BDNF: variants seen among roughly 807,000 people sequenced by gnomAD.
The protein encoded by BDNF is neurotrophic factor BDNF precursor form.
In BDNF, 1 loss-of-function variant was observed where a neutral mutation model predicts 19.5. The ratio of observed to expected loss-of-function variants is 0.05; its 90% CI spans 0.02 to 0.24. The LOEUF (loss-of-function observed/expected upper bound fraction) is 0.24, where lower values mean the gene tolerates loss of function less well. BDNF is among the 10% of genes least tolerant of loss of function. The pLI is 1.00. For synonymous variants in BDNF, 100 were observed against 121.6 expected (o/e 0.82, Z 1.17); for missense variants, 195 against 317.6 (o/e 0.61, Z 2.93).
upstream of BDNF, among the ~76,000 whole-genome samples, chr11:27,702,664 T>C (rs1406926698): frequency 1.3e-5 from 2 of 152,216 alleles, no homozygotes; most frequent in Non-Finnish European, 2.9e-5. Context: ...ATAATATTAT[T>C]ACATACTCAG....
In BDNF at chr11:27,674,220, G is replaced by A. The variant is rs1206959185; in HGVS notation, c.-21-15635C>T. 3 of 1,599,150 alleles carry A rather than the reference G, an allele frequency of 1.9e-6. No individual in the cohort carries two copies. The highest frequency in any genetic ancestry group is 2.6e-6 in the Non-Finnish European group (3 of 1,172,048). On this transcript the variant is annotated intron_variant, in intron 1 of 1. Transcript: ENST00000356660. ...CTGCAACCCTTTCTGTAGAAACTCAGCATTCTGAGTAGTAACAAGGATTAA... is the reference window on the plus strand; with the variant it reads ...CTGCAACCCTTTCTGTAGAAACTCAACATTCTGAGTAGTAACAAGGATTAA...
intron 1 of BDNF, among the ~76,000 whole-genome samples, chr11:27,710,605 T>C (rs1227329473): frequency 6.6e-6 from 1 of 152,198 alleles, no homozygotes; most frequent in Non-Finnish European, 1.5e-5. Flanking sequence ...CTATAAGCCT[T>C]GTAATTACGT....
intron 1 of BDNF, among the ~76,000 whole-genome samples, chr11:27,666,658 A>G (rs377565641): frequency 3.3e-5 from 5 of 152,364 alleles, no homozygotes; most frequent in African/African-American, 1.2e-4. Flanking sequence ...GATTCAATCA[A>G]GTGGAAGAAA....
chr11:27,674,036 G>T lies in BDNF; in HGVS notation c.-21-15451C>A. On this transcript the variant is annotated intron_variant, in intron 1 of 1. Coordinates refer to ENST00000356660, the MANE Select transcript of BDNF (RefSeq NM_001709.5). ...GGGAAAGATAAAATTAGCAAGAGAA[G>T]GCTATTAGCTCTCTGTTACTCACCT... 2.6e-6 allele frequency: 4 copies of T among 1,544,922 alleles called. No homozygotes were observed. The South Asian group carries it at 5.0e-5, about 19-fold the overall frequency.
At chr11:27,694,337 T>A (rs1010405514) in intron 1 of BDNF, among the ~76,000 whole-genome samples, 1 of 152,306 alleles carries the variant, frequency 6.6e-6, no homozygotes, top group Admixed American at 6.5e-5. Flanking sequence ...TTATTAAACC[T>A]TTTCCTCCAA....
upstream of BDNF, among the ~76,000 whole-genome samples, chr11:27,701,986 C>G (rs1252992638): frequency 6.6e-6 from 1 of 151,460 alleles, no homozygotes; most frequent in Admixed American, 6.6e-5. Context: ...CCACCACTGC[C>G]CGCAGCAAAA....
intron 1 of BDNF, among the ~76,000 whole-genome samples, chr11:27,671,865 C>CT (rs1282905462): frequency 6.6e-6 from 1 of 151,922 alleles, no homozygotes; most frequent in Non-Finnish European, 1.5e-5. Context: ...AGTGCAATAA[C>CT]TTTTTTACTT....
At chr11:27,714,130 A>G (rs1860433612) in intron 1 of BDNF, among the ~76,000 whole-genome samples, 1 of 152,176 alleles carries the variant, frequency 6.6e-6, no homozygotes, top group Non-Finnish European at 1.5e-5. Flanking sequence ...TTTTTGAACT[A>G]CTGCAGCAAT....
upstream of BDNF, chr11:27,700,461 G>T: frequency 4.1e-6 from 4 of 983,334 alleles, no homozygotes; most frequent in Non-Finnish European, 4.8e-6. Flanking sequence ...GCTGCGCCTT[G>T]CGCCCGGGTC....
upstream of BDNF, among the ~76,000 whole-genome samples, chr11:27,704,955 CA>C (rs1391069659): frequency 6.6e-6 from 1 of 152,152 alleles, no homozygotes; most frequent in Non-Finnish European, 1.5e-5. Flanking sequence ...AAAGGAACCA[CA>C]GCAAGAAACT....
In BDNF at chr11:27,656,090, A is replaced by G. The variant is rs927052912; in HGVS notation, c.*1731T>C. On this transcript the variant is annotated 3_prime_UTR_variant, in exon 2 of 2. Transcript: ENST00000356660. ...CCTTCCCGAAGTCTTGTCTCTGGACAAGATTTCCTATGGGTCCCCTTGATC... is the reference window on the plus strand; with the variant it reads ...CCTTCCCGAAGTCTTGTCTCTGGACGAGATTTCCTATGGGTCCCCTTGATC... 6.6e-6 allele frequency: 1 copy of G among 152,204 alleles called. No homozygotes were observed. The highest frequency in any genetic ancestry group is 1.5e-5 in the Non-Finnish European group (1 of 68,072). The allele number at this position is 152,204 out of a possible 1,614,324, so 9.4% of individuals were successfully genotyped here. A position where few individuals can be genotyped will look rare whatever the true frequency, so the allele number is the denominator to read the frequency against.
chr11:27,720,769 T>C (rs1051771585), intron 1 of BDNF: 1 of 986,378 alleles, frequency 1.0e-6, no homozygotes, highest in African/African-American at 1.7e-5. Flanking sequence ...AATTAAGTGA[T>C]ACTTGATATT....
At chr11:27,703,670 C>A, upstream of BDNF, among the ~76,000 whole-genome samples, 1 of 152,282 alleles carries the variant, frequency 6.6e-6, no homozygotes, top group South Asian at 2.1e-4. Context: ...TGTGTATCTT[C>A]GCTTTCCAGT....
At position 27,657,247 on chromosome 11, in the gene BDNF, CG is replaced by C. The variant is rs949434649; in HGVS notation, c.*573del. ...GGAACTAAAAAACAAAACAAACAAA[CG>C]AAAAAAAAACACAAAACAAACAAAA... On this transcript the variant is annotated 3_prime_UTR_variant, in exon 2 of 2. Transcript: ENST00000356660. The surrounding 1 kb of genome is among the most constrained non-coding windows in gnomAD (Gnocchi z 5.0). 1.4e-5 allele frequency: 14 copies of C among 984,566 alleles called. No individual in the cohort carries two copies. Among genetic ancestry groups the C allele is most frequent in the Middle Eastern group, 5.2e-4 (1 of 1,936 alleles). The allele number at this position is 984,566 out of a possible 1,614,324, so 61.0% of individuals were successfully genotyped here. A position where few individuals can be genotyped will look rare whatever the true frequency, so the allele number is the denominator to read the frequency against.
intron 1 of BDNF, chr11:27,719,679 C>G (rs1353159479): frequency 2.1e-6 from 2 of 973,324 alleles, no homozygotes; most frequent in African/African-American, 3.7e-5. Flanking sequence ...CAGCGAGGAG[C>G]GAGGGCGACG....
chr11:27,707,617 T>C (rs1860161458), intron 1 of BDNF, among the ~76,000 whole-genome samples: 1 of 152,140 alleles, frequency 6.6e-6, no homozygotes, highest in Non-Finnish European at 1.5e-5. Flanking sequence ...TAGTTGGATA[T>C]AGGAAAGGCT....
intron 1 of BDNF, chr11:27,660,041 G>T: frequency 2.8e-6 from 1 of 354,148 alleles, no homozygotes; most frequent in Non-Finnish European, 4.6e-6. Flanking sequence ...TCAGTTCTGA[G>T]GCATGGACTT....
At chr11:27,687,206 G>A (rs1821399627) in intron 1 of BDNF, among the ~76,000 whole-genome samples, 1 of 151,940 alleles carries the variant, frequency 6.6e-6, no homozygotes, top group Admixed American at 6.6e-5. Flanking sequence ...TTCAGTTATT[G>A]AAGCTTGTGT....
At chr11:27,702,253 A>C (rs969556313), upstream of BDNF, among the ~76,000 whole-genome samples, 2 of 152,334 alleles carry the variant, frequency 1.3e-5, no homozygotes, top group Non-Finnish European at 2.9e-5. Context: ...GGAGCATAAA[A>C]ATCACCTGGG....
Sources: gnomAD v4.1 joint callset for allele counts (sites outside exome capture counted in the v4.1 genomes callset) on GRCh38, gnomAD v4.1.1 for gene constraint, Gnocchi (gnomAD v3.1) non-coding constraint, MANE v1.5 for transcripts, NCBI Gene and HGNC (gene_info 2026-07-23, HGNC 2026-07-21) for gene names.